The following TANC1 variants were observed in gnomAD, a reference collection of about 807,000 sequenced individuals.
The protein encoded by TANC1 is protein TANC1.
Under a neutral mutation model 149.7 loss-of-function variants are expected in TANC1, and 77 were observed. That is an observed-to-expected ratio of 0.51 (90% CI 0.43 to 0.62). TANC1 has a LOEUF of 0.62. Ranked by LOEUF, TANC1 falls within the 20% of genes least tolerant of loss-of-function variation. TANC1 has a pLI of 0.00. For missense variants in TANC1, 1,985 were observed against 2,321.8 expected, an observed-to-expected ratio of 0.85 and a Z score of 2.98; for synonymous variants, 854 against 925.0, an observed-to-expected ratio of 0.92 and a Z score of 1.39.
chr2:159,097,728 C>G lies in TANC1; in HGVS notation c.153C>G (p.Thr51=), dbSNP rs538839890. Residue 51 remains threonine, a synonymous_variant, in exon 4 of 27, where the codon ACC becomes ACG. Transcript: ENST00000263635. ...GCAGTCTTCCCACAGCAGAGGACAC[C>G]TATAGGGTGAGCTTGGCCAAAGGTG... ...PVSSLPTAED[T]YRVSLAKGVS... is the part of the protein sequence containing the mutation. 6.2e-7 allele frequency: 1 copy of G among 1,614,118 alleles called. No homozygotes were observed. Among genetic ancestry groups the G allele is most frequent in the Admixed American group, 1.7e-5 (1 of 60,016 alleles).
intron 18 of TANC1, among the ~76,000 whole-genome samples, chr2:159,197,926 T>A (rs991379028): frequency 6.6e-6 from 1 of 152,208 alleles, no homozygotes; most frequent in Non-Finnish European, 1.5e-5. Flanking sequence ...ACACACTTAC[T>A]CTTAGAATTC....
chr2:159,036,993 C>G (rs1641404523), intron 2 of TANC1, among the ~76,000 whole-genome samples: 1 of 152,198 alleles, frequency 6.6e-6, no homozygotes, highest in African/African-American at 2.4e-5. Context: ...AAAAGTGTTC[C>G]TGTTTCTCCA....
intron 17 of TANC1, 26 bp downstream of exon 17, chr2:159,194,519 G>A (rs766231072): frequency 6.3e-7 from 1 of 1,589,328 alleles, no homozygotes; most frequent in South Asian, 1.1e-5. Context: ...CTCTTTTGGG[G>A]CTGGGGCAGG....
intron 4 of TANC1, among the ~76,000 whole-genome samples, chr2:159,125,713 C>T (rs2049376460): frequency 6.6e-6 from 1 of 152,094 alleles, no homozygotes; most frequent in African/African-American, 2.4e-5. Flanking sequence ...CCTCAGCCTC[C>T]TGAGTAGCTG....
At chr2:159,003,928 A>T (rs2036878517) in intron 2 of TANC1, 3 of 1,612,778 alleles carry the variant, frequency 1.9e-6, no homozygotes, top group East Asian at 4.5e-5. Context: ...AGAAGGTGGT[A>T]CATAGAACAG....
intron 7 of TANC1, among the ~76,000 whole-genome samples, chr2:159,156,655 G>A (rs1478677941): frequency 6.6e-6 from 1 of 152,214 alleles, no homozygotes; most frequent in Non-Finnish European, 1.5e-5. Flanking sequence ...GACGGAAGAT[G>A]TATGCTGTGG....
chr2:159,124,428 C>T (rs1305724587), intron 4 of TANC1, among the ~76,000 whole-genome samples: 3 of 152,170 alleles, frequency 2.0e-5, no homozygotes, highest in Admixed American at 6.5e-5. Flanking sequence ...CTAATAAGTT[C>T]GCAGGTGATG....
chr2:159,139,393 C>T (rs2150228967), intron 5 of TANC1, among the ~76,000 whole-genome samples: 1 of 152,262 alleles, frequency 6.6e-6, no homozygotes, highest in African/African-American at 2.4e-5. Flanking sequence ...TCCTAATAAG[C>T]TGTGTGTCAG....
intron 2 of TANC1, among the ~76,000 whole-genome samples, chr2:159,041,681 A>G (rs985303559): frequency 1.1e-4 from 16 of 152,322 alleles, no homozygotes; most frequent in Admixed American, 3.3e-4. Flanking sequence ...TTTTCCAGGT[A>G]CAGTCTGCCA....
chr2:159,006,317 A>G (rs1461831155), intron 2 of TANC1, among the ~76,000 whole-genome samples: 2 of 147,954 alleles, frequency 1.4e-5, no homozygotes, highest in Non-Finnish European at 3.0e-5. Context: ...AAAAAAAAAG[A>G]ATGTCACATT....
intron 2 of TANC1, chr2:159,055,969 A>G: frequency 4.1e-6 from 1 of 244,368 alleles, no homozygotes; most frequent in Non-Finnish European, 8.6e-6. Flanking sequence ...AAACAAAACT[A>G]GCAGTGCAAG....
chr2:159,054,626 C>T (rs1169214584), intron 2 of TANC1, among the ~76,000 whole-genome samples: 1 of 152,208 alleles, frequency 6.6e-6, no homozygotes, highest in Non-Finnish European at 1.5e-5. Context: ...TGACCCTTCA[C>T]TTTGAGGCCA....
Position 159,174,925 on chromosome 2 carries a change from T to G in TANC1, c.1504-28T>G, listed in dbSNP as rs774840620. The G allele has an allele frequency of 8.9e-6, 14 of 1,565,026 alleles. No homozygotes were observed. The East Asian group carries it at 3.1e-4, about 35-fold the overall frequency. ...AAGGAGCTGTGTGAAGAGGGTGAGG[T>G]GATGCTGACGGTTCTGCTTCCCCCT... On this transcript the variant is annotated intron_variant, in intron 11 of 26. Coordinates refer to ENST00000263635, the MANE Select transcript of TANC1 (RefSeq NM_033394.3).
intron 7 of TANC1, among the ~76,000 whole-genome samples, 174 bp from the exon 8 acceptor site, chr2:159,163,109 G>T (rs572708032): frequency 5.6e-4 from 85 of 152,162 alleles, no homozygotes; most frequent in African/African-American, 1.8e-3. Flanking sequence ...ATTTCCCCTG[G>T]TAAGCCACAT....
intron 2 of TANC1, among the ~76,000 whole-genome samples, chr2:159,055,175 C>T (rs181296251): frequency 1.1e-4 from 16 of 152,308 alleles, no homozygotes; most frequent in African/African-American, 2.4e-4. Context: ...CTTGGGTTTC[C>T]GGTTGCCCTA....
intron 16 of TANC1, among the ~76,000 whole-genome samples, chr2:159,188,090 T>G (rs1056489561): frequency 6.6e-6 from 1 of 152,228 alleles, no homozygotes; most frequent in Non-Finnish European, 1.5e-5. Context: ...CACCTACATC[T>G]ACACCATCTC....
chr2:159,051,355 G>A (rs2041448622), intron 2 of TANC1, among the ~76,000 whole-genome samples: 1 of 152,168 alleles, frequency 6.6e-6, no homozygotes, highest in South Asian at 2.1e-4. Flanking sequence ...TGTGTTTTCT[G>A]TGCTGCGTCA....
intron 15 of TANC1, 81 bp from the exon 16 acceptor site, chr2:159,186,821 G>C: frequency 6.3e-7 from 1 of 1,584,388 alleles, no homozygotes; most frequent in Non-Finnish European, 8.6e-7. Context: ...CCCACTTTCA[G>C]AGTGACCCTG....
chr2:158,985,572 A>C lies in TANC1; in HGVS notation c.-125-15508A>C, dbSNP rs2034902337. ...TAACCTCAGATTATTACTTCAGGTT[A>C]CTTTCCTTGTGTGGGTTAAAGCAGA... On this transcript the variant is annotated intron_variant, in intron 1 of 26. Transcript: ENST00000263635. Among the ~76,000 whole-genome samples, 2 of 152,202 alleles carry C rather than the reference A, an allele frequency of 1.3e-5. 1 individual carries two copies. Among genetic ancestry groups the C allele is most frequent in the South Asian group, 4.1e-4 (2 of 4,836 alleles).
Sources: allele counts gnomAD v4.1 joint callset (sites outside exome capture counted in the v4.1 genomes callset), GRCh38; gene constraint gnomAD v4.1.1; transcripts MANE v1.5; gene names NCBI Gene and HGNC (gene_info 2026-07-23, HGNC 2026-07-21).